The following TRAPPC6B variants were observed in gnomAD, a reference collection of about 807,000 sequenced individuals.
TRAPPC6B encodes the protein trafficking protein particle complex subunit 6B.
TRAPPC6B carries 27 observed loss-of-function variants against 24.7 expected under a neutral mutation model. The ratio of observed to expected loss-of-function variants is 1.09; its 90% CI spans 0.81 to 1.51. The LOEUF (loss-of-function observed/expected upper bound fraction) is 1.51, where lower values mean the gene tolerates loss of function less well. Among genes scored for constraint, TRAPPC6B ranks in the 40% most tolerant of loss-of-function variants. The probability of loss-of-function intolerance (pLI) is 0.00; values close to 1 mark genes in which losing one functional copy is unlikely to be tolerated. For missense variants in TRAPPC6B, 212 were observed against 190.8 expected (o/e 1.11, Z -0.66); for synonymous variants, 80 against 66.6 (o/e 1.20, Z -0.98).
rs1424293431 is a variant in TRAPPC6B, at chr14:39,153,514, T to C, written c.351+697A>G. Among the ~76,000 whole-genome samples, 20 of 151,702 alleles carry C rather than the reference T, an allele frequency of 1.3e-4. 1 individual carries two copies. The East Asian group carries it at 3.9e-3, about 29-fold the overall frequency. On this transcript the variant is annotated intron_variant, in intron 4 of 5. Coordinates refer to ENST00000330149, the MANE Select transcript of TRAPPC6B (RefSeq NM_001079537.2). ...GCATGGTGGCCCACACCTGCAGTCC[T>C]ACCTCCTTGGGTGACTGAAGTGGGA... is the stretch of plus-strand genomic sequence containing the variant.
At chr14:39,161,141 G>C (rs1427562184) in intron 1 of TRAPPC6B, among the ~76,000 whole-genome samples, 4 of 143,500 alleles carry the variant, frequency 2.8e-5, no homozygotes, top group East Asian at 3.9e-4. Flanking sequence ...TTATTTCTTT[G>C]TTTGTTTAAG....
chr14:39,159,602 T>C (rs1022139704), intron 1 of TRAPPC6B, 52 bp from the exon 2 acceptor site: 4 of 1,327,360 alleles, frequency 3.0e-6, no homozygotes, highest in Non-Finnish European at 4.2e-6. Context: ...AGGATGTTAG[T>C]ATTCAGAAAT....
At chr14:39,167,823 G>A (rs73291567) in intron 1 of TRAPPC6B, among the ~76,000 whole-genome samples, 2,767 of 151,938 alleles carry the variant, frequency 0.018, 86 homozygotes, top group African/African-American at 0.063. Flanking sequence ...AAAATTATCA[G>A]GCCTGAGTAG....
chr14:39,157,773 C>A, intron 3 of TRAPPC6B: 1 of 237,510 alleles, frequency 4.2e-6, no homozygotes, highest in Non-Finnish European at 8.4e-6. Flanking sequence ...ACTGGGGAGG[C>A]AATGTCCTGG....
chr14:39,159,025 T>C (rs1403956169), intron 2 of TRAPPC6B: 1 of 152,444 alleles, frequency 6.6e-6, no homozygotes, highest in Non-Finnish European at 1.5e-5. Flanking sequence ...ATATAAAATA[T>C]ACTCCGAGTT....
chr14:39,165,288 G>A (rs1189423562), intron 1 of TRAPPC6B, among the ~76,000 whole-genome samples: 8 of 152,000 alleles, frequency 5.3e-5, no homozygotes, highest in South Asian at 2.1e-4. Context: ...CTTGTGATCC[G>A]CCCGCCTCGG....
chr14:39,150,458 T>C, intron 5 of TRAPPC6B, 77 bp from the exon 6 acceptor site: 2 of 1,076,706 alleles, frequency 1.9e-6, no homozygotes, highest in South Asian at 1.4e-5. Context: ...TTCTGTTCCA[T>C]ATAGGAAATA....
chr14:39,160,335 T>C (rs962437765), intron 1 of TRAPPC6B, among the ~76,000 whole-genome samples: 1 of 152,018 alleles, frequency 6.6e-6, no homozygotes, highest in Non-Finnish European at 1.5e-5. Context: ...CCCAGCACTT[T>C]AGGAGGCCAA....
rs916542452 is a variant in TRAPPC6B, at chr14:39,148,308, C to T, written c.*2042G>A. ...CAAAGCCTTCAGACTTCCTTTGTCTCGTTAGCCTAGATTCCATCAAATGAT... is the reference window on the plus strand; with the variant it reads ...CAAAGCCTTCAGACTTCCTTTGTCTTGTTAGCCTAGATTCCATCAAATGAT... On this transcript the variant is annotated 3_prime_UTR_variant, in exon 6 of 6. Transcript: ENST00000330149. 1.9e-5 allele frequency: 4 copies of T among 212,380 alleles called. No homozygotes were observed. The highest frequency in any genetic ancestry group is 5.8e-5 in the Admixed American group (1 of 17,126). 13.2% of individuals were successfully genotyped at this position (212,380 alleles called of 1,614,324 possible).
At chr14:39,150,507 G>A (rs944113252) in intron 5 of TRAPPC6B, 126 bp from the exon 6 acceptor site, 7 of 667,504 alleles carry the variant, frequency 1.0e-5, no homozygotes, top group African/African-American at 5.6e-5. Flanking sequence ...AAACTTTTTC[G>A]CATTCTTCAT....
At chr14:39,161,373 G>A (rs1217343981) in intron 1 of TRAPPC6B, among the ~76,000 whole-genome samples, 5 of 152,216 alleles carry the variant, frequency 3.3e-5, no homozygotes, top group Admixed American at 6.5e-5. Context: ...CATGCGTCAT[G>A]AGAATGAAAA....
chr14:39,151,900 T>A, intron 4 of TRAPPC6B, 61 bp from the exon 5 acceptor site: 2 of 1,127,680 alleles, frequency 1.8e-6, no homozygotes. Context: ...AAGCTATTGA[T>A]AAATACAACA....
At chr14:39,162,728 T>C (rs938141830) in intron 1 of TRAPPC6B, among the ~76,000 whole-genome samples, 2 of 152,210 alleles carry the variant, frequency 1.3e-5, no homozygotes, top group Non-Finnish European at 2.9e-5. Flanking sequence ...CCTTAAATCA[T>C]GAGATTGCTT....
intron 3 of TRAPPC6B, chr14:39,157,538 A>G: frequency 2.4e-6 from 1 of 411,858 alleles, no homozygotes; most frequent in Admixed American, 2.8e-5. Flanking sequence ...ACTGCACACT[A>G]TGTGGATCCC....
chr14:39,167,034 C>A (rs1424869131), intron 1 of TRAPPC6B, among the ~76,000 whole-genome samples: 2 of 152,220 alleles, frequency 1.3e-5, no homozygotes, highest in Non-Finnish European at 2.9e-5. Context: ...AAGAAGAACC[C>A]ACTGGGCAGT....
chr14:39,151,380 A>ACTC (rs2052910262), intron 5 of TRAPPC6B, among the ~76,000 whole-genome samples: 1 of 106,268 alleles, frequency 9.4e-6, no homozygotes, highest in Non-Finnish European at 1.8e-5. Context: ...ACAGAGCGAG[A>ACTC]CTCCGTCTCA....
chr14:39,163,048 C>G (rs1484895021), intron 1 of TRAPPC6B, among the ~76,000 whole-genome samples: 1 of 150,658 alleles, frequency 6.6e-6, no homozygotes, highest in Admixed American at 6.6e-5. Flanking sequence ...CAACATCATA[C>G]CCCTTTGGCA....
In TRAPPC6B at chr14:39,170,120, G is replaced by C. The variant is rs1241433773; in HGVS notation, c.-25C>G. On this transcript the variant is annotated 5_prime_UTR_variant, in exon 1 of 6. Transcript: ENST00000330149. Reference sequence around the variant, plus strand: ...TTTCCTGCTAATTCTTCCAAGCTTCGAGTTTTGGCTCCCGTTTGAGCTGGT... The same window carrying C: ...TTTCCTGCTAATTCTTCCAAGCTTCCAGTTTTGGCTCCCGTTTGAGCTGGT... The C allele has an allele frequency of 5.0e-6, 8 of 1,613,424 alleles. No individual in the cohort carries two copies. Among genetic ancestry groups the C allele is most frequent in the Admixed American group, 1.7e-5 (1 of 59,972 alleles).
In TRAPPC6B at chr14:39,151,838, T is replaced by C; in HGVS notation, c.353A>G (p.Tyr118Cys). Reference protein sequence around the residue: ...GKQYLEHASKYLAFTCGLIRG... With the variant: ...GKQYLEHASKCLAFTCGLIRG... Reference sequence around the variant, plus strand: ...GATTAAGCCACACGTAAATGCTAAATACTAAAAGGAAAAAAAATCATTAAA... The same window carrying C: ...GATTAAGCCACACGTAAATGCTAAACACTAAAAGGAAAAAAAATCATTAAA... Residue 118 changes from tyrosine (Y) to cysteine (C), a missense_variant and splice_region_variant, in exon 5 of 6, where the codon TAT becomes TGT. Transcript: ENST00000330149. 1 of 1,586,068 alleles carries C rather than the reference T, an allele frequency of 6.3e-7. No homozygotes were observed. Among genetic ancestry groups the C allele is most frequent in the Non-Finnish European group, 8.5e-7 (1 of 1,170,154 alleles).
Sources: allele counts gnomAD v4.1 joint callset (sites outside exome capture counted in the v4.1 genomes callset), GRCh38; gene constraint gnomAD v4.1.1; transcripts MANE v1.5; gene names NCBI Gene and HGNC (gene_info 2026-07-23, HGNC 2026-07-21).